Variants in PDZD2 observed in about 807,000 individuals in gnomAD.
The protein encoded by PDZD2 is PDZ domain containing 2.
PDZD2 carries 90 observed loss-of-function variants against 220.7 expected under a neutral mutation model. That is an observed-to-expected ratio of 0.41 (90% CI 0.34 to 0.49). The LOEUF (loss-of-function observed/expected upper bound fraction) is 0.49. Among genes scored for constraint, PDZD2 ranks in the 20% least tolerant of loss-of-function variants. The probability of loss-of-function intolerance (pLI) is 0.28; values close to 1 mark genes in which losing one functional copy is unlikely to be tolerated. For synonymous variants in PDZD2, 1,375 were observed against 1,450.5 expected, an observed-to-expected ratio of 0.95 and a Z score of 1.18; for missense variants, 3,174 against 3,608.5, an observed-to-expected ratio of 0.88 and a Z score of 3.08.
At chr5:32,052,833 C>A in intron 9 of PDZD2, 103 bp downstream of exon 9, 1 of 1,246,236 alleles carries the variant, frequency 8.0e-7, no homozygotes, top group Non-Finnish European at 1.2e-6. Flanking sequence ...TTTTTAGAAA[C>A]AGGTTCTTGC....
chr5:31,765,172 C>G (rs1255348060), intron 1 of PDZD2, among the ~76,000 whole-genome samples: 1 of 152,212 alleles, frequency 6.6e-6, no homozygotes, highest in African/African-American at 2.4e-5. Context: ...CTGGAGCCCC[C>G]TCTCTAGTTA....
chr5:31,804,136 T>C (rs1287824662), intron 2 of PDZD2, among the ~76,000 whole-genome samples: 1 of 152,124 alleles, frequency 6.6e-6, no homozygotes, highest in Non-Finnish European at 1.5e-5. Flanking sequence ...AAATCTTGTT[T>C]AGTGGTCAGC....
chr5:31,643,321 C>T (rs756925302), intron 1 of PDZD2, among the ~76,000 whole-genome samples: 3 of 152,288 alleles, frequency 2.0e-5, no homozygotes, highest in Non-Finnish European at 4.4e-5. Context: ...CCTGTTTGCA[C>T]CTTGACAAAT....
At chr5:31,818,670 C>A (rs1209228835) in intron 2 of PDZD2, among the ~76,000 whole-genome samples, 1 of 152,156 alleles carries the variant, frequency 6.6e-6, no homozygotes, top group Admixed American at 6.6e-5. Context: ...CATTTTAGAA[C>A]AACATATTTA....
intron 2 of PDZD2, among the ~76,000 whole-genome samples, chr5:31,842,677 T>G (rs929672070): frequency 6.6e-6 from 1 of 152,180 alleles, no homozygotes; most frequent in Non-Finnish European, 1.5e-5. Flanking sequence ...TCCTTCTTTG[T>G]GGGATGAAGT....
intron 2 of PDZD2, among the ~76,000 whole-genome samples, chr5:31,866,806 G>A (rs1231401602): frequency 6.6e-6 from 1 of 152,136 alleles, no homozygotes; most frequent in African/African-American, 2.4e-5. Context: ...CAGTTCATTC[G>A]TGCAGTAAGC....
chr5:31,977,006 G>A (rs1272762963), intron 2 of PDZD2, among the ~76,000 whole-genome samples: 3 of 150,294 alleles, frequency 2.0e-5, no homozygotes, highest in South Asian at 2.1e-4. Context: ...GTGAGCCAAC[G>A]CGCCTGGCCA....
rs184330917 is a variant in PDZD2 at position 31,951,243 on chromosome 5, T to A, written c.477-31912T>A. Reference sequence around the variant, plus strand: ...GCACCACACCCAGCTAATTTTTAAATTTTTTTAAGAAACAGGGTCTCACTT... The same window carrying A: ...GCACCACACCCAGCTAATTTTTAAAATTTTTTAAGAAACAGGGTCTCACTT... On this transcript the variant is annotated intron_variant, in intron 2 of 24. Transcript: ENST00000438447. Among the ~76,000 whole-genome samples the A allele has an allele frequency of 9.9e-4, 150 of 152,120 alleles. 2 individuals carry two copies. The highest frequency in any genetic ancestry group is 3.5e-3 in the African/African-American group (147 of 41,540).
At chr5:32,006,258 TTACA>T (rs1442507491) in intron 5 of PDZD2, among the ~76,000 whole-genome samples, 3 of 152,150 alleles carry the variant, frequency 2.0e-5, no homozygotes, top group African/African-American at 4.8e-5. Flanking sequence ...TAGCTTATTA[TTACA>T]TACATTATTA....
chr5:31,822,494 T>C, intron 2 of PDZD2: 1 of 481,918 alleles, frequency 2.1e-6, no homozygotes, highest in Non-Finnish European at 3.8e-6. Flanking sequence ...ATCATTTAAA[T>C]ATCACATATA....
chr5:32,101,301 A>G (rs944669648), intron 24 of PDZD2, 62 bp downstream of exon 24: 3 of 1,405,110 alleles, frequency 2.1e-6, no homozygotes, highest in Non-Finnish European at 2.9e-6. Context: ...GGATGTCTCA[A>G]TGAAAAAAAT....
At chr5:31,698,129 G>T (rs961580561) in intron 1 of PDZD2, among the ~76,000 whole-genome samples, 1 of 148,094 alleles carries the variant, frequency 6.8e-6, no homozygotes, top group Non-Finnish European at 1.5e-5. Flanking sequence ...GGACGGTCTC[G>T]ATCTCTTGAC....
At chr5:32,003,347 A>C (rs1249052054) in intron 5 of PDZD2, among the ~76,000 whole-genome samples, 2 of 26,490 alleles carry the variant, frequency 7.6e-5, no homozygotes, top group African/African-American at 1.7e-4. Flanking sequence ...CACCACACAC[A>C]CACCACACAC....
chr5:31,962,869 G>A (rs1209172694), intron 2 of PDZD2, among the ~76,000 whole-genome samples: 1 of 151,920 alleles, frequency 6.6e-6, no homozygotes, highest in Non-Finnish European at 1.5e-5. Context: ...GATTCTTCCA[G>A]ATCACACTCT....
intron 1 of PDZD2, among the ~76,000 whole-genome samples, chr5:31,654,718 A>G (rs1561365446): frequency 6.6e-6 from 1 of 152,132 alleles, no homozygotes; most frequent in East Asian, 1.9e-4. Context: ...AGCTACACTC[A>G]TCTCTCAATT....
intron 1 of PDZD2, among the ~76,000 whole-genome samples, chr5:31,748,361 G>A (rs993931140): frequency 6.6e-6 from 1 of 152,212 alleles, no homozygotes; most frequent in Non-Finnish European, 1.5e-5. Context: ...CTATGGACAT[G>A]TCATTTCCCC....
intron 2 of PDZD2, among the ~76,000 whole-genome samples, chr5:31,933,606 C>G (rs930025873): frequency 6.6e-6 from 1 of 152,134 alleles, no homozygotes; most frequent in African/African-American, 2.4e-5. Context: ...GAGCCCCTGC[C>G]TACAAAGATC....
intron 1 of PDZD2, among the ~76,000 whole-genome samples, chr5:31,746,946 C>T (rs552998517): frequency 7.9e-5 from 12 of 152,304 alleles, no homozygotes; most frequent in African/African-American, 2.4e-4. Flanking sequence ...GAGGCTGAGG[C>T]GTTGGGGAGC....
chr5:31,847,760 C>T (rs774094966), intron 2 of PDZD2: 1 of 589,672 alleles, frequency 1.7e-6, no homozygotes, highest in Non-Finnish European at 3.3e-6. Flanking sequence ...CTGAAGGAAG[C>T]TGTGAATGGA....
Sources: gnomAD v4.1 joint callset for allele counts (sites outside exome capture counted in the v4.1 genomes callset) on GRCh38, gnomAD v4.1.1 for gene constraint, MANE v1.5 for transcripts, NCBI Gene and HGNC (gene_info 2026-07-23, HGNC 2026-07-21) for gene names.